The following RBFOX3 variants were observed in gnomAD, a reference collection of about 807,000 sequenced individuals.
RBFOX3 encodes RNA binding fox-1 homolog 3.
Under a neutral mutation model 48.7 loss-of-function variants are expected in RBFOX3, and 17 were observed. The observed-to-expected ratio is 0.35, with a 90% CI of 0.24 to 0.52. The LOEUF (loss-of-function observed/expected upper bound fraction) is 0.52. Among genes scored for constraint, RBFOX3 ranks in the 20% least tolerant of loss-of-function variants. RBFOX3 has a pLI of 0.94. For synonymous variants in RBFOX3, 212 were observed against 209.5 expected (o/e 1.01, Z -0.10); for missense variants, 382 against 497.5 (o/e 0.77, Z 2.21).
At chr17:79,624,851 C>G in the RBFOX3 span, among the ~76,000 whole-genome samples, 1 of 130,330 alleles carries the variant, frequency 7.7e-6, no homozygotes, top group Non-Finnish European at 1.6e-5. Flanking sequence ...GGAGAACCAT[C>G]CGGAGCTCCC....
At chr17:79,188,095 C>T in intron 4 of RBFOX3, among the ~76,000 whole-genome samples, 1 of 152,216 alleles carries the variant, frequency 6.6e-6, no homozygotes, top group East Asian at 1.9e-4. Context: ...GAAGCAAGCC[C>T]AGGGATGAGC....
intron 4 of RBFOX3, among the ~76,000 whole-genome samples, chr17:79,127,361 G>A (rs2037567198): frequency 1.3e-5 from 2 of 152,220 alleles, no homozygotes; most frequent in Non-Finnish European, 2.9e-5. Context: ...GGAACGATGA[G>A]AGGGAGACCT....
At chr17:79,256,455 T>A (rs932069198) in intron 3 of RBFOX3, among the ~76,000 whole-genome samples, 1 of 152,214 alleles carries the variant, frequency 6.6e-6, no homozygotes, top group African/African-American at 2.4e-5. Context: ...CCTAAATCAA[T>A]AATTCATTTA....
the RBFOX3 span, among the ~76,000 whole-genome samples, chr17:79,645,867 G>A: frequency 6.6e-6 from 1 of 151,998 alleles, no homozygotes; most frequent in African/African-American, 2.4e-5. Flanking sequence ...CCCATGGAGG[G>A]GCCCAGAACC....
In RBFOX3 at chr17:79,220,373, C is replaced by T. The variant is rs936607920; in HGVS notation, c.-34+15393G>A. ...AAGTGCGGCTCTCCTCTCTGCCTCC[C>T]GCTCGCTCCTGCTCACTCCAGGTCC... On this transcript the variant is annotated intron_variant, in intron 4 of 14. Coordinates refer to ENST00000693108, the MANE Select transcript of RBFOX3 (RefSeq NM_001350451.2). This position sits in a 1 kb window ranked among gnomAD's most constrained non-coding sequence, Gnocchi z 5.9. 3.9e-5 allele frequency among the ~76,000 whole-genome samples: 6 copies of T among 152,120 alleles called. No individual in the cohort carries two copies. Among genetic ancestry groups the T allele is most frequent in the African/African-American group, 1.4e-4 (6 of 41,424 alleles).
At chr17:79,642,171 A>G in the RBFOX3 span, among the ~76,000 whole-genome samples, 1 of 152,212 alleles carries the variant, frequency 6.6e-6, no homozygotes, top group Non-Finnish European at 1.5e-5. Context: ...TGTCAAACTC[A>G]TAAAAACAAA....
intron 4 of RBFOX3, among the ~76,000 whole-genome samples, chr17:79,177,037 G>A (rs1188866024): frequency 1.3e-5 from 2 of 152,008 alleles, no homozygotes; most frequent in Non-Finnish European, 2.9e-5. Flanking sequence ...TCCCCACTAT[G>A]CCCCCTGGGT....
intron 2 of RBFOX3, among the ~76,000 whole-genome samples, chr17:79,322,359 G>A (rs1054677844): frequency 2.0e-5 from 3 of 152,190 alleles, no homozygotes; most frequent in Non-Finnish European, 2.9e-5. Flanking sequence ...ATGGGCTGGG[G>A]GAGAGTTCCA....
intron 1 of RBFOX3, among the ~76,000 whole-genome samples, chr17:79,497,742 A>T (rs2081762178): frequency 6.6e-6 from 1 of 152,226 alleles, no homozygotes. Context: ...GCCATCTCTG[A>T]AGGTGTGCAC....
At chr17:79,148,764 G>C (rs1358794510) in intron 4 of RBFOX3, among the ~76,000 whole-genome samples, 7 of 152,220 alleles carry the variant, frequency 4.6e-5, no homozygotes, top group African/African-American at 1.2e-4. Context: ...CGCAGGGGAG[G>C]GAGGCCGACC....
At chr17:79,125,666 C>G (rs1315288920) in intron 4 of RBFOX3, among the ~76,000 whole-genome samples, 1 of 152,230 alleles carries the variant, frequency 6.6e-6, no homozygotes, top group Non-Finnish European at 1.5e-5. Context: ...GCTCCCTCTC[C>G]TCTCAGGCCC....
intron 2 of RBFOX3, among the ~76,000 whole-genome samples, chr17:79,315,335 G>C (rs577526932): frequency 6.6e-6 from 1 of 152,332 alleles, no homozygotes; most frequent in South Asian, 2.1e-4. Context: ...CCAGACCCTG[G>C]TCTTCTGAGC....
At position 79,420,175 on chromosome 17, in the gene RBFOX3, A is replaced by AC. The variant is rs1555721370; in HGVS notation, c.-175+62278_-175+62279insG. Reference sequence around the variant, plus strand: ...CACACACACACACACACACACACACAAAAGATGGTTAACAGGTGTGCCTCC... The same window carrying AC: ...CACACACACACACACACACACACACACAAAGATGGTTAACAGGTGTGCCTCC... On this transcript the variant is annotated intron_variant, in intron 2 of 14. Coordinates refer to ENST00000693108, the MANE Select transcript of RBFOX3 (RefSeq NM_001350451.2). Among the ~76,000 whole-genome samples the AC allele has an allele frequency of 6.2e-3, 442 of 71,810 alleles. 8 individuals are homozygous for AC. Among genetic ancestry groups the AC allele is most frequent in the Middle Eastern group, 0.017 (2 of 116 alleles). The allele number at this position is 71,810 out of a possible 152,430, so 47.1% of individuals were successfully genotyped here.
At chr17:79,628,583 T>C in the RBFOX3 span, among the ~76,000 whole-genome samples, 823 of 152,272 alleles carry the variant, frequency 5.4e-3, 15 homozygotes, top group East Asian at 0.069. Context: ...AAAGTAGCCA[T>C]TTAAAGTGTG....
Position 79,535,583 on chromosome 17 carries a change from G to T in RBFOX3, c.-319-52985C>A, listed in dbSNP as rs1479804670. On this transcript the variant is annotated intron_variant, in intron 1 of 14. Transcript: ENST00000693108. The surrounding 1 kb of genome is among the most constrained non-coding windows in gnomAD (Gnocchi z 4.5). Reference sequence around the variant, plus strand: ...CTACCCCTCAAAGTTTCCTGGGCTTGCAGGTCTGCTGCATGGCTGCGGTCC... The same window carrying T: ...CTACCCCTCAAAGTTTCCTGGGCTTTCAGGTCTGCTGCATGGCTGCGGTCC... Among the ~76,000 whole-genome samples, 1 of 152,212 alleles carries T rather than the reference G, an allele frequency of 6.6e-6. No individual in the cohort carries two copies. The highest frequency in any genetic ancestry group is 2.4e-5 in the African/African-American group (1 of 41,448).
At chr17:79,266,925 A>G (rs371799369) in intron 3 of RBFOX3, among the ~76,000 whole-genome samples, 1 of 152,152 alleles carries the variant, frequency 6.6e-6, no homozygotes, top group East Asian at 1.9e-4. Flanking sequence ...CCTTTATAAC[A>G]AAACTGGAAT....
rs77909162 is a variant in RBFOX3 at position 79,254,446 on chromosome 17, A to C, written c.-73-18641T>G. 6.8e-3 allele frequency among the ~76,000 whole-genome samples: 1,028 copies of C among 151,852 alleles called. 8 individuals carry two copies. Among genetic ancestry groups the C allele is most frequent in the African/African-American group, 0.023 (961 of 41,464 alleles). ...GCACCAGGGCCCAGCCTTGAGACCA[A>C]CCAGCTGGACTCTTGCACACTGACC... On this transcript the variant is annotated intron_variant, in intron 3 of 14. Transcript: ENST00000693108. This position sits in a 1 kb window ranked among gnomAD's most constrained non-coding sequence, Gnocchi z 4.8.
intron 2 of RBFOX3, among the ~76,000 whole-genome samples, chr17:79,419,869 G>A (rs570817518): frequency 6.6e-6 from 1 of 152,170 alleles, no homozygotes; most frequent in Admixed American, 6.5e-5. Flanking sequence ...GCTCATGCCT[G>A]TAATCCCAGC....
intron 5 of RBFOX3, among the ~76,000 whole-genome samples, chr17:79,112,904 C>CGGCGGGG (rs1307784460): frequency 0.013 from 131 of 10,222 alleles, no homozygotes; most frequent in East Asian, 0.064. Flanking sequence ...AGCAGGCTCT[C>CGGCGGGG]GGGGGGGGGG....
Sources: allele counts gnomAD v4.1 joint callset (sites outside exome capture counted in the v4.1 genomes callset), GRCh38; gene constraint gnomAD v4.1.1; non-coding constraint Gnocchi (gnomAD v3.1); transcripts MANE v1.5; gene names NCBI Gene and HGNC (gene_info 2026-07-23, HGNC 2026-07-21).